The following NXPH1 variants were observed in gnomAD, a reference collection of about 807,000 sequenced individuals.
The protein encoded by NXPH1 is neurexophilin-1.
In NXPH1, 5 loss-of-function variants were observed where a neutral mutation model predicts 23.7. That is an observed-to-expected ratio of 0.21 (90% confidence interval 0.11 to 0.44). The LOEUF (loss-of-function observed/expected upper bound fraction) is 0.44, where lower values mean the gene tolerates loss of function less well. Ranked by LOEUF, NXPH1 falls within the 20% of genes least tolerant of loss-of-function variation. The probability of loss-of-function intolerance (pLI) is 0.99; values close to 1 mark genes in which losing one functional copy is unlikely to be tolerated. For synonymous variants in NXPH1, 144 were observed against 122.2 expected (o/e 1.18, Z -1.18); for missense variants, 324 against 321.6 (o/e 1.01, Z -0.06).
At chr7:8,473,454 C>T (rs1816907176) in intron 2 of NXPH1, among the ~76,000 whole-genome samples, 1 of 152,098 alleles carries the variant, frequency 6.6e-6, no homozygotes, top group Non-Finnish European at 1.5e-5. Flanking sequence ...GTGTCCTATA[C>T]CCCCTGCCAT....
intron 2 of NXPH1, among the ~76,000 whole-genome samples, chr7:8,519,584 C>G: frequency 6.6e-6 from 1 of 152,092 alleles, no homozygotes; most frequent in East Asian, 1.9e-4. Flanking sequence ...GCTTTTTTTG[C>G]TGTGAAATTG....
chr7:8,721,647 G>A (rs761490179), intron 2 of NXPH1, among the ~76,000 whole-genome samples: 6 of 152,242 alleles, frequency 3.9e-5, no homozygotes, highest in South Asian at 2.1e-4. Context: ...GCGTGGTGGC[G>A]GGCACCTGTA....
At chr7:8,515,427 C>T (rs1023421878) in intron 2 of NXPH1, among the ~76,000 whole-genome samples, 1 of 152,102 alleles carries the variant, frequency 6.6e-6, no homozygotes, top group African/African-American at 2.4e-5. Context: ...CTACATTTCA[C>T]AGCTAAATTG....
intron 2 of NXPH1, among the ~76,000 whole-genome samples, chr7:8,517,717 G>C (rs1817708352): frequency 6.6e-6 from 1 of 152,164 alleles, no homozygotes; most frequent in South Asian, 2.1e-4. Flanking sequence ...GCGGAGGTCA[G>C]GGAAGTGGGG....
At chr7:8,482,579 T>G (rs1230732385) in intron 2 of NXPH1, among the ~76,000 whole-genome samples, 1 of 152,182 alleles carries the variant, frequency 6.6e-6, no homozygotes, top group African/African-American at 2.4e-5. Context: ...GTTCTCTATT[T>G]TGGCCTTTTA....
intron 2 of NXPH1, among the ~76,000 whole-genome samples, chr7:8,685,570 G>C (rs1465701832): frequency 2.0e-5 from 3 of 151,972 alleles, no homozygotes; most frequent in Non-Finnish European, 4.4e-5. Context: ...ACAAAACATA[G>C]TGCAGATACC....
chr7:8,569,409 G>T (rs1818606915), intron 2 of NXPH1, among the ~76,000 whole-genome samples: 1 of 151,818 alleles, frequency 6.6e-6, no homozygotes, highest in African/African-American at 2.4e-5. Context: ...ACAAGTATTA[G>T]ATTTCATTTA....
chr7:8,747,957 TACTA>T (rs1325622666), intron 2 of NXPH1, among the ~76,000 whole-genome samples: 54 of 152,182 alleles, frequency 3.5e-4, no homozygotes, highest in African/African-American at 1.2e-3. Context: ...TAATGAAAAA[TACTA>T]ACTCTGGAGC....
intron 2 of NXPH1, among the ~76,000 whole-genome samples, chr7:8,470,984 G>A (rs1253724942): frequency 3.9e-5 from 6 of 152,052 alleles, no homozygotes; most frequent in Admixed American, 1.3e-4. Flanking sequence ...GTTAGGGCAA[G>A]AACAGGAAAA....
intron 2 of NXPH1, among the ~76,000 whole-genome samples, chr7:8,446,256 T>C (rs954895365): frequency 2.6e-5 from 4 of 152,226 alleles, no homozygotes; most frequent in Non-Finnish European, 5.9e-5. Context: ...TGAACACTGG[T>C]ATGCTAATCA....
intron 2 of NXPH1, among the ~76,000 whole-genome samples, chr7:8,730,388 G>A (rs1174356298): frequency 6.7e-6 from 1 of 150,184 alleles, no homozygotes; most frequent in Non-Finnish European, 1.5e-5. Context: ...TCATTATGAT[G>A]TTAGCTGGTT....
chr7:8,544,813 A>G (rs1392707683), intron 2 of NXPH1, among the ~76,000 whole-genome samples: 1 of 151,594 alleles, frequency 6.6e-6, no homozygotes, highest in African/African-American at 2.4e-5. Flanking sequence ...CAGAATTTTC[A>G]AAAGTCAAGA....
intron 2 of NXPH1, among the ~76,000 whole-genome samples, chr7:8,715,640 G>C (rs1467482640): frequency 6.6e-6 from 1 of 152,166 alleles, no homozygotes; most frequent in Non-Finnish European, 1.5e-5. Context: ...AAATGATTTG[G>C]GAAGGTTACA....
At chr7:8,512,211 G>A (rs989241127) in intron 2 of NXPH1, among the ~76,000 whole-genome samples, 2 of 152,118 alleles carry the variant, frequency 1.3e-5, no homozygotes, top group Non-Finnish European at 2.9e-5. Flanking sequence ...TGTAAGAAGC[G>A]CAAAGAATCA....
At chr7:8,718,347 C>T (rs1320944868) in intron 2 of NXPH1, among the ~76,000 whole-genome samples, 1 of 152,152 alleles carries the variant, frequency 6.6e-6, no homozygotes, top group African/African-American at 2.4e-5. Flanking sequence ...AGTGTAGCAC[C>T]TGAGCAATTG....
At chr7:8,464,421 A>G (rs1816745139) in intron 2 of NXPH1, among the ~76,000 whole-genome samples, 1 of 152,210 alleles carries the variant, frequency 6.6e-6, no homozygotes, top group African/African-American at 2.4e-5. Flanking sequence ...CCTGAGTCAG[A>G]CATTCAAAGC....
At chr7:8,441,223 C>T (rs1270908152) in intron 2 of NXPH1, among the ~76,000 whole-genome samples, 1 of 152,062 alleles carries the variant, frequency 6.6e-6, no homozygotes, top group Non-Finnish European at 1.5e-5. Context: ...ATGGTGCAGC[C>T]GAGTCTCAAA....
intron 2 of NXPH1, among the ~76,000 whole-genome samples, chr7:8,564,094 A>G (rs553870718): frequency 5.3e-5 from 8 of 151,860 alleles, no homozygotes; most frequent in African/African-American, 1.9e-4. Flanking sequence ...CCAGAGCACA[A>G]AAATTATAGA....
intron 2 of NXPH1, among the ~76,000 whole-genome samples, chr7:8,728,067 T>A (rs1228852725): frequency 8.6e-5 from 13 of 150,440 alleles, no homozygotes; most frequent in Admixed American, 7.9e-4. Flanking sequence ...CCTTGTAAGT[T>A]GGATTCCTAG....
Sources: allele counts gnomAD v4.1 joint callset (sites outside exome capture counted in the v4.1 genomes callset), GRCh38; gene constraint gnomAD v4.1.1; transcripts MANE v1.5; gene names NCBI Gene and HGNC (gene_info 2026-07-23, HGNC 2026-07-21).